SYMPK: variants seen among roughly 807,000 people sequenced by gnomAD.
SYMPK encodes symplekin.
Under a neutral mutation model 136.4 loss-of-function variants are expected in SYMPK, and 49 were observed. The observed-to-expected ratio is 0.36, with a 90% CI of 0.29 to 0.46. The LOEUF (loss-of-function observed/expected upper bound fraction) is 0.46. Ranked by LOEUF, SYMPK falls within the 20% of genes least tolerant of loss-of-function variation. The pLI is 1.00. For synonymous variants in SYMPK, 766 were observed against 713.0 expected, an observed-to-expected ratio of 1.07 and a Z score of -1.19; for missense variants, 1,365 against 1,690.0, an observed-to-expected ratio of 0.81 and a Z score of 3.37.
In SYMPK at chr19:45,825,195, C is replaced by T. The variant is rs145863416; in HGVS notation, c.2466G>A (p.Thr822=). 232 of 1,613,778 alleles carry T rather than the reference C, an allele frequency of 1.4e-4. 1 individual carries two copies. The highest frequency in any genetic ancestry group is 6.7e-5 in the African/African-American group (5 of 74,918). Reference sequence around the variant, plus strand: ...CCGGCTGCTCAATGACCCTCAGCACCGTCCGCTTGATGTCGGCGATGGCTT... The same window carrying T: ...CCGGCTGCTCAATGACCCTCAGCACTGTCCGCTTGATGTCGGCGATGGCTT... ...YTEAIADIKR[T]VLRVIEQPIR... The change falls in exon 18 of 27, where the codon ACG becomes ACA. Residue 822 remains threonine, a synonymous_variant. Transcript: ENST00000245934.
chr19:45,849,322 CTT>C (rs908278161), intron 5 of SYMPK, among the ~76,000 whole-genome samples: 31 of 152,294 alleles, frequency 2.0e-4, no homozygotes, highest in Middle Eastern at 3.4e-3. Flanking sequence ...CTTTAAAGCA[CTT>C]TGTTTTCTGT....
intron 21 of SYMPK, 38 bp downstream of exon 21, chr19:45,822,718 G>C (rs779843073): frequency 1.3e-6 from 2 of 1,582,782 alleles, no homozygotes; most frequent in East Asian, 4.5e-5. Flanking sequence ...ACCTGGGGTG[G>C]GTGGGCCTCT....
intron 9 of SYMPK, among the ~76,000 whole-genome samples, chr19:45,839,627 G>A (rs7254067): frequency 0.32 from 48,595 of 151,832 alleles, 7,920 homozygotes; most frequent in Non-Finnish European, 0.35. Context: ...TCAGGAGATC[G>A]AGACCATACT....
chr19:45,825,402 C>A, intron 17 of SYMPK, 71 bp from the exon 18 acceptor site: 1 of 1,544,482 alleles, frequency 6.5e-7, no homozygotes, highest in South Asian at 1.2e-5. Flanking sequence ...TCAGGAATGT[C>A]CCTTCTTGGG....
chr19:45,854,768 C>T, intron 1 of SYMPK: 2 of 492,960 alleles, frequency 4.1e-6, no homozygotes, highest in Non-Finnish European at 7.4e-6. Context: ...CAACCACAAA[C>T]AGCTGCTGAA....
Position 45,838,456 on chromosome 19 carries a change from C to T in SYMPK, c.1242+5G>A. On this transcript the variant is annotated splice_donor_5th_base_variant and intron_variant, in intron 10 of 26. Transcript: ENST00000245934. ...AGGGGGAAAACGCTCCCCACCCATC[C>T]TCACCAGATTAGCCACATTATCAGG... 1 of 1,612,250 alleles carries T rather than the reference C, an allele frequency of 6.2e-7. No individual in the cohort carries two copies. Among genetic ancestry groups the T allele is most frequent in the Non-Finnish European group, 8.5e-7 (1 of 1,178,686 alleles).
At chr19:45,848,037 C>T in intron 6 of SYMPK, 36 bp from the exon 7 acceptor site, 1 of 1,548,080 alleles carries the variant, frequency 6.5e-7, no homozygotes. Context: ...AAGAGACACA[C>T]AAAGAGGTGA....
chr19:45,858,561 G>A (rs1971887484), intron 1 of SYMPK, among the ~76,000 whole-genome samples: 1 of 152,056 alleles, frequency 6.6e-6, no homozygotes, highest in Non-Finnish European at 1.5e-5. Context: ...TATTGCCCAG[G>A]CTGGAGTGCA....
chr19:45,816,219 T>C (rs1970733347), intron 25 of SYMPK, 36 bp from the exon 26 acceptor site: 3 of 1,419,032 alleles, frequency 2.1e-6, no homozygotes, highest in African/African-American at 1.4e-5. Context: ...AGCTCAGAGG[T>C]GGGTGGCTCA....
At chr19:45,822,179 C>T (rs1019469977) in intron 21 of SYMPK, among the ~76,000 whole-genome samples, 1 of 141,570 alleles carries the variant, frequency 7.1e-6, no homozygotes, top group African/African-American at 2.7e-5. Flanking sequence ...AGTGCACTGG[C>T]ACGATCTCCG....
chr19:45,821,278 T>G lies in SYMPK; in HGVS notation c.2893+106A>C. 1.2e-6 allele frequency: 1 copy of G among 859,470 alleles called. No homozygotes were observed. Among genetic ancestry groups the G allele is most frequent in the Non-Finnish European group, 2.0e-6 (1 of 509,588 alleles). 53.2% of individuals were successfully genotyped at this position (859,470 alleles called of 1,614,324 possible). ...CAGAGCTCTGAGGTGGGGCTGTGAG[T>G]GACAGTCTTTGACTTGGCAGATTCC... On this transcript the variant is annotated intron_variant, in intron 22 of 26. Coordinates refer to ENST00000245934, the MANE Select transcript of SYMPK (RefSeq NM_004819.3). The surrounding 1 kb of genome is among the most constrained non-coding windows in gnomAD (Gnocchi z 4.4).
In SYMPK at chr19:45,824,085, C is replaced by T. The variant is rs2146305683; in HGVS notation, c.2491-210G>A. 24 of 511,224 alleles carry T rather than the reference C, an allele frequency of 4.7e-5. No homozygotes were observed. In the South Asian group the frequency reaches 4.9e-4, roughly 10 times the overall value. The allele number at this position is 511,224 out of a possible 1,614,324, so 31.7% of individuals were successfully genotyped here. A position where few individuals can be genotyped will look rare whatever the true frequency, so the allele number is the denominator to read the frequency against. ...AGCTCCTCCAGACATGGGCCTGCTC[C>T]AGCTCCCAGCCCTGGCTGGGCTGTC... On this transcript the variant is annotated intron_variant, in intron 18 of 26. Transcript: ENST00000245934.
chr19:45,854,351 G>C (rs181852982), intron 2 of SYMPK, 40 bp downstream of exon 2: 56 of 1,607,998 alleles, frequency 3.5e-5, no homozygotes, highest in Non-Finnish European at 4.8e-5. Context: ...AAAGCCAGGG[G>C]CTATGCTTCC....
In SYMPK at chr19:45,815,976, C is replaced by T. The variant is rs751138455; in HGVS notation, c.3562G>A (p.Ala1188Thr). 4.3e-6 allele frequency: 7 copies of T among 1,609,766 alleles called. 1 individual carries two copies. The South Asian group carries it at 5.5e-5, about 13-fold the overall frequency. Residue 1188 changes from alanine to threonine, a missense_variant, in exon 26 of 27, where the codon GCC becomes ACC. Around this residue, in one of 11 missense-constraint regions of SYMPK, gnomAD observed 341 missense variants for 270.5 expected, o/e 1.26. Coordinates refer to ENST00000245934, the MANE Select transcript of SYMPK (RefSeq NM_004819.3). ...ARPGPPPSEE[A>T]MDFREEGPEC... ...GGCCCCTCCTCCCGGAAATCCATGG[C>T]TTCCTCAGACGGGGGCGGGCCTGGC...
chr19:45,839,818 C>T (rs964953131), intron 9 of SYMPK, among the ~76,000 whole-genome samples: 7 of 150,740 alleles, frequency 4.6e-5, no homozygotes, highest in Non-Finnish European at 7.4e-5. Flanking sequence ...GGCAACAGAG[C>T]GAGACTCTGT....
intron 10 of SYMPK, among the ~76,000 whole-genome samples, chr19:45,835,472 G>A (rs573105648): frequency 1.3e-5 from 2 of 152,302 alleles, no homozygotes; most frequent in South Asian, 2.1e-4. Context: ...GGCTCCCTGT[G>A]CAAGAAGCAC....
chr19:45,854,388 C>A lies in SYMPK; in HGVS notation c.105+3G>T, dbSNP rs747451498. 1 of 1,614,016 alleles carries A rather than the reference C, an allele frequency of 6.2e-7. No homozygotes were observed. The highest frequency in any genetic ancestry group is 1.7e-5 in the Admixed American group (1 of 60,016). On this transcript the variant is annotated splice_donor_region_variant and intron_variant, in intron 2 of 26. Coordinates refer to ENST00000245934, the MANE Select transcript of SYMPK (RefSeq NM_004819.3). The stretch of plus-strand genomic sequence containing the variant: ...CACTCCAAGCCCTACCCGCCACGCT[C>A]ACCCTCTCTGAGGTGGTCATGCCAT...
chr19:45,839,355 G>A (rs141419547), intron 9 of SYMPK, among the ~76,000 whole-genome samples: 7 of 152,222 alleles, frequency 4.6e-5, no homozygotes, highest in Non-Finnish European at 8.8e-5. Flanking sequence ...GGCAAGGACA[G>A]TACAAGAGGA....
intron 5 of SYMPK, among the ~76,000 whole-genome samples, chr19:45,849,285 G>C (rs1232897080): frequency 1.3e-5 from 2 of 152,150 alleles, no homozygotes; most frequent in East Asian, 3.8e-4. Flanking sequence ...ACACCAAAAA[G>C]CATTCGGTAA....
Sources: gnomAD v4.1 joint callset for allele counts (sites outside exome capture counted in the v4.1 genomes callset) on GRCh38, gnomAD v4.1.1 for gene constraint, gnomAD v4.1.1 regional missense constraint, Gnocchi (gnomAD v3.1) non-coding constraint, MANE v1.5 for transcripts, NCBI Gene and HGNC (gene_info 2026-07-23, HGNC 2026-07-21) for gene names.